Variants in GLIS3 observed in about 807,000 individuals in gnomAD.
The protein encoded by GLIS3 is zinc finger protein GLIS3.
GLIS3 carries 53 observed loss-of-function variants against 78.6 expected under a neutral mutation model. The ratio of observed to expected loss-of-function variants is 0.67; its 90% CI spans 0.54 to 0.85. The LOEUF is 0.85. Among genes scored for constraint, GLIS3 ranks in the 40% least tolerant of loss-of-function variants. The probability of loss-of-function intolerance (pLI) is 0.00; values close to 1 mark genes in which losing one functional copy is unlikely to be tolerated. For missense variants in GLIS3, 1,703 were observed against 1,231.1 expected (o/e 1.38, Z -5.74); for synonymous variants, 684 against 509.9 (o/e 1.34, Z -4.60).
rs1178909962 is a variant in GLIS3, at chr9:4,118,885, G to A, written c.597-4C>T. On this transcript the variant is annotated splice_region_variant and splice_polypyrimidine_tract_variant and intron_variant, in intron 3 of 10. Coordinates refer to ENST00000381971, the MANE Select transcript of GLIS3 (RefSeq NM_001042413.2). The surrounding 1 kb of genome is among the most constrained non-coding windows in gnomAD (Gnocchi z 4.7). ...AGACTCACGCGAAATAAGGGACCTG[G>A]AACAGCAGCCAGAAAGGAAGAAAAA... 2 of 1,600,518 alleles carry A rather than the reference G, an allele frequency of 1.2e-6. No homozygotes were observed. Among genetic ancestry groups the A allele is most frequent in the South Asian group, 2.2e-5 (2 of 91,034 alleles).
intron 2 of GLIS3, among the ~76,000 whole-genome samples, chr9:4,190,273 A>G (rs200015091): frequency 2.0e-5 from 3 of 152,180 alleles, no homozygotes; most frequent in Non-Finnish European, 2.9e-5. Context: ...CAAAGAAGTT[A>G]AAAACTTTGA....
intron 2 of GLIS3, among the ~76,000 whole-genome samples, chr9:4,269,041 T>C (rs1303727858): frequency 6.6e-6 from 1 of 152,270 alleles, no homozygotes; most frequent in Non-Finnish European, 1.5e-5. Flanking sequence ...GACTGGATGC[T>C]GGCTAACATA....
At chr9:4,365,736 C>G in the GLIS3 span, among the ~76,000 whole-genome samples, 1 of 152,148 alleles carries the variant, frequency 6.6e-6, no homozygotes, top group Non-Finnish European at 1.5e-5. Flanking sequence ...TCCAACTCAC[C>G]CTACTCCACT....
chr9:4,333,076 C>T (rs1817708528), intron 2 of GLIS3, among the ~76,000 whole-genome samples: 1 of 152,166 alleles, frequency 6.6e-6, no homozygotes, highest in South Asian at 2.1e-4. Context: ...ATTATCACTC[C>T]AGTTTCACAA....
intron 2 of GLIS3, among the ~76,000 whole-genome samples, chr9:4,271,242 T>G (rs1169481356): frequency 6.6e-6 from 1 of 152,218 alleles, no homozygotes; most frequent in East Asian, 1.9e-4. Context: ...TACTTTATTG[T>G]CAGCACACAG....
At chr9:4,463,333 G>C in the GLIS3 span, among the ~76,000 whole-genome samples, 1 of 152,202 alleles carries the variant, frequency 6.6e-6, no homozygotes, top group East Asian at 1.9e-4. Context: ...AGGGGAAAGA[G>C]AGAAAGCATT....
intron 2 of GLIS3, among the ~76,000 whole-genome samples, chr9:4,207,483 T>C (rs1819986942): frequency 2.0e-5 from 3 of 152,352 alleles, no homozygotes; most frequent in Admixed American, 6.5e-5. Flanking sequence ...TGGAGCAATT[T>C]AGAGACAGGT....
intron 4 of GLIS3, among the ~76,000 whole-genome samples, chr9:4,057,694 G>A (rs1057252691): frequency 1.5e-5 from 2 of 137,654 alleles, no homozygotes; most frequent in Non-Finnish European, 1.6e-5. Flanking sequence ...CTAGAGAACA[G>A]AAGAATGCAG....
chr9:4,113,953 T>G (rs966769040), intron 4 of GLIS3, among the ~76,000 whole-genome samples: 2 of 152,192 alleles, frequency 1.3e-5, no homozygotes, highest in Non-Finnish European at 2.9e-5. Flanking sequence ...GTAAAAGTTT[T>G]GAACAATTCC....
upstream of GLIS3, among the ~76,000 whole-genome samples, chr9:4,304,196 A>G (rs969034069): frequency 2.6e-5 from 4 of 152,324 alleles, 1 homozygote; most frequent in East Asian, 1.9e-4. Context: ...AAAGAGACTA[A>G]CAGATGCTCT....
the GLIS3 span, among the ~76,000 whole-genome samples, chr9:4,412,114 C>G: frequency 2.6e-5 from 4 of 152,186 alleles, no homozygotes. Context: ...TCTTGCTCAT[C>G]CTACCACCCA....
the GLIS3 span, among the ~76,000 whole-genome samples, chr9:4,460,828 T>C: frequency 7.2e-5 from 11 of 152,280 alleles, no homozygotes; most frequent in Admixed American, 3.3e-4. Context: ...ATCTGGAGTG[T>C]TTTTAATATA....
intron 2 of GLIS3, among the ~76,000 whole-genome samples, chr9:4,196,271 TCCAATCAGCTCTCTGTAAAATGGA>T (rs1397230874): frequency 3.4e-4 from 51 of 151,908 alleles, no homozygotes; most frequent in East Asian, 9.7e-4. Context: ...GTCAAAACAG[TCCAATCAGCTCTCTGTAAAATGGA>T]CCAATCAGCT....
At position 3,828,175 on chromosome 9, in the gene GLIS3, G is replaced by A. The variant is rs1247458244; in HGVS notation, c.*97C>T. On this transcript the variant is annotated 3_prime_UTR_variant, in exon 11 of 11. Transcript: ENST00000381971. ...TAACTCTGCAGGGCCCGCTGATTGG[G>A]CTGACATCCTTCCTCAAGCAGTCTG... 6 of 1,431,256 alleles carry A rather than the reference G, an allele frequency of 4.2e-6. No individual in the cohort carries two copies. The highest frequency in any genetic ancestry group is 1.7e-5 in the Admixed American group (1 of 59,518). 88.7% of individuals were successfully genotyped at this position (1,431,256 alleles called of 1,614,324 possible).
intron 2 of GLIS3, among the ~76,000 whole-genome samples, chr9:4,330,686 A>AAGGTTGAGATGGAGATGAAGAG (rs1817672691): frequency 1.3e-5 from 2 of 152,192 alleles, no homozygotes; most frequent in Non-Finnish European, 2.9e-5. Flanking sequence ...GGTGGAGATG[A>AAGGTTGAGATGGAGATGAAGAG]AGGTTGAGAT....
intron 4 of GLIS3, among the ~76,000 whole-genome samples, chr9:4,048,749 T>C (rs1825462562): frequency 6.6e-6 from 1 of 152,188 alleles, no homozygotes; most frequent in South Asian, 2.1e-4. Flanking sequence ...TCAAGGGCTG[T>C]CTTTCCAGCC....
intron 2 of GLIS3, chr9:4,147,328 T>C (rs1043256073): frequency 6.6e-6 from 1 of 152,198 alleles, no homozygotes; most frequent in African/African-American, 2.4e-5. Flanking sequence ...ATCAAAATCA[T>C]CAGCAAAAGC....
At chr9:3,855,727 A>G in intron 9 of GLIS3, 1 of 423,562 alleles carries the variant, frequency 2.4e-6, no homozygotes, top group Non-Finnish European at 4.4e-6. Flanking sequence ...TATTGTTTAG[A>G]AACAGGATGC....
rs10465089 is a variant in GLIS3, at chr9:4,335,669, G to A, written n.264+11412C>T. Among the ~76,000 whole-genome samples, 68 of 152,206 alleles carry A rather than the reference G, an allele frequency of 4.5e-4. 1 individual carries two copies. The East Asian group carries it at 9.7e-3, about 22-fold the overall frequency. On this transcript the variant is annotated intron_variant and non_coding_transcript_variant, in intron 2 of 4. Transcript: ENST00000471664. The stretch of plus-strand genomic sequence containing the variant: ...GTTAAACAAGGGCACTTTCAACACG[G>A]CTTAGGGTTTTAGTTTAAACCTGAA...
Sources: allele counts gnomAD v4.1 joint callset (sites outside exome capture counted in the v4.1 genomes callset), GRCh38; gene constraint gnomAD v4.1.1; non-coding constraint Gnocchi (gnomAD v3.1); transcripts MANE v1.5; gene names NCBI Gene and HGNC (gene_info 2026-07-23, HGNC 2026-07-21).